The following TENM3 variants were observed in gnomAD, a reference collection of about 807,000 sequenced individuals.
TENM3 encodes teneurin transmembrane protein 3.
Under a neutral mutation model 255.1 loss-of-function variants are expected in TENM3, and 63 were observed. The ratio of observed to expected loss-of-function variants is 0.25; its 90% CI spans 0.20 to 0.30. The LOEUF is 0.30. Ranked by LOEUF, TENM3 falls within the 10% of genes least tolerant of loss-of-function variation. The pLI is 1.00. For missense variants in TENM3, 2,929 were observed against 3,461.1 expected (o/e 0.85, Z 3.86); for synonymous variants, 1,306 against 1,322.3 (o/e 0.99, Z 0.27).
the TENM3 span, among the ~76,000 whole-genome samples, chr4:181,837,193 C>T: frequency 6.6e-6 from 1 of 151,474 alleles, no homozygotes; most frequent in South Asian, 2.1e-4. Context: ...TTTTTTCCTC[C>T]CCAATTTTTA....
chr4:181,555,259 G>T, the TENM3 span, among the ~76,000 whole-genome samples: 1 of 152,130 alleles, frequency 6.6e-6, no homozygotes, highest in South Asian at 2.1e-4. Context: ...GAGGTTCGCA[G>T]ACTGGTGCAA....
the TENM3 span, among the ~76,000 whole-genome samples, chr4:181,592,560 T>A: frequency 2.0e-5 from 3 of 152,092 alleles, no homozygotes; most frequent in Admixed American, 6.6e-5. Context: ...AGGAGTTTGT[T>A]CCTGACTTGG....
the TENM3 span, among the ~76,000 whole-genome samples, chr4:181,641,811 T>C: frequency 7.2e-5 from 7 of 97,652 alleles, no homozygotes; most frequent in African/African-American, 3.1e-4. Flanking sequence ...ACACCATATA[T>C]ATATATATAT....
At chr4:181,705,789 A>C in the TENM3 span, among the ~76,000 whole-genome samples, 2 of 152,098 alleles carry the variant, frequency 1.3e-5, no homozygotes, top group Admixed American at 6.5e-5. Context: ...CAGTCATTTT[A>C]CCTGATCTCC....
At chr4:181,948,383 A>G in the TENM3 span, among the ~76,000 whole-genome samples, 1 of 152,272 alleles carries the variant, frequency 6.6e-6, no homozygotes, top group Non-Finnish European at 1.5e-5. Context: ...GCTGGCATAC[A>G]CAGCCAATAA....
the TENM3 span, among the ~76,000 whole-genome samples, chr4:181,696,869 G>T: frequency 6.6e-6 from 1 of 152,170 alleles, no homozygotes; most frequent in African/African-American, 2.4e-5. Flanking sequence ...CCCCACAAAG[G>T]TATAGACAAA....
At chr4:182,671,894 T>C (rs1262208221) in intron 6 of TENM3, among the ~76,000 whole-genome samples, 1 of 152,180 alleles carries the variant, frequency 6.6e-6, no homozygotes, top group Non-Finnish European at 1.5e-5. Context: ...ATCAGTTTTT[T>C]TTTAAGAGAC....
the TENM3 span, among the ~76,000 whole-genome samples, chr4:181,967,364 G>A: frequency 1.4e-3 from 217 of 152,216 alleles, 1 homozygote; most frequent in African/African-American, 4.8e-3. Flanking sequence ...GGATTTTCAC[G>A]GGGCTTTGCG....
At chr4:182,073,408 A>G in the TENM3 span, among the ~76,000 whole-genome samples, 1 of 152,188 alleles carries the variant, frequency 6.6e-6, no homozygotes, top group Non-Finnish European at 1.5e-5. Flanking sequence ...ATGTGAGGAC[A>G]CAGAGAACAG....
At chr4:181,843,663 A>AT in the TENM3 span, among the ~76,000 whole-genome samples, 6 of 150,262 alleles carry the variant, frequency 4.0e-5, no homozygotes, top group South Asian at 2.1e-4. Context: ...CTGGATAAAT[A>AT]TTCTGGAGGC....
chr4:181,740,606 A>G, the TENM3 span, among the ~76,000 whole-genome samples: 2 of 152,158 alleles, frequency 1.3e-5, no homozygotes, highest in South Asian at 2.1e-4. Flanking sequence ...AGGAAAAAAT[A>G]CCAAACAATA....
At chr4:181,530,152 A>G in the TENM3 span, among the ~76,000 whole-genome samples, 110 of 152,348 alleles carry the variant, frequency 7.2e-4, no homozygotes, top group African/African-American at 2.3e-3. Context: ...GAGACATATT[A>G]AACTATTATT....
chr4:181,987,320 G>A, the TENM3 span, among the ~76,000 whole-genome samples: 2 of 152,088 alleles, frequency 1.3e-5, no homozygotes, highest in Non-Finnish European at 2.9e-5. Context: ...AATTGTGTAA[G>A]GGAATCCGAT....
intron 1 of TENM3, among the ~76,000 whole-genome samples, chr4:182,177,067 A>G (rs1436254535): frequency 4.0e-5 from 6 of 151,804 alleles, no homozygotes; most frequent in African/African-American, 1.2e-4. Flanking sequence ...GGAAAAGGTG[A>G]CCCATGAAAA....
intron 1 of TENM3, among the ~76,000 whole-genome samples, chr4:182,285,500 C>T (rs1159092217): frequency 6.6e-6 from 1 of 152,124 alleles, no homozygotes; most frequent in Non-Finnish European, 1.5e-5. Flanking sequence ...CTCTTAAGTT[C>T]TCAGCTATCT....
At chr4:181,594,993 A>G in the TENM3 span, among the ~76,000 whole-genome samples, 25 of 152,082 alleles carry the variant, frequency 1.6e-4, no homozygotes, top group Admixed American at 4.6e-4. Flanking sequence ...TGTTCAAAAT[A>G]TATATATAGT....
chr4:181,830,204 C>T, the TENM3 span, among the ~76,000 whole-genome samples: 1 of 152,160 alleles, frequency 6.6e-6, no homozygotes, highest in Non-Finnish European at 1.5e-5. Context: ...AGGGAATTTT[C>T]ACTGTAGATA....
At chr4:181,724,291 A>G in the TENM3 span, among the ~76,000 whole-genome samples, 1 of 152,064 alleles carries the variant, frequency 6.6e-6, no homozygotes, top group Non-Finnish European at 1.5e-5. Context: ...TTTGTCTTCA[A>G]TTAGAGTAAA....
chr4:182,133,050 A>T, the TENM3 span, among the ~76,000 whole-genome samples: 1 of 152,212 alleles, frequency 6.6e-6, no homozygotes, highest in Non-Finnish European at 1.5e-5. Context: ...GGAAAATAGG[A>T]TGCAGACCAG....
Sources: allele counts gnomAD v4.1 joint callset (sites outside exome capture counted in the v4.1 genomes callset), GRCh38; gene constraint gnomAD v4.1.1; transcripts MANE v1.5; gene names NCBI Gene and HGNC (gene_info 2026-07-23, HGNC 2026-07-21).